The following CEP97 variants were observed in gnomAD, a reference collection of about 807,000 sequenced individuals.
CEP97 encodes centrosomal protein 97.
CEP97 carries 43 observed loss-of-function variants against 73.1 expected under a neutral mutation model. The ratio of observed to expected loss-of-function variants is 0.59; its 90% confidence interval spans 0.46 to 0.76. The LOEUF (loss-of-function observed/expected upper bound fraction) is 0.76. Ranked by LOEUF, CEP97 falls within the 30% of genes least tolerant of loss-of-function variation. The pLI is 0.00. For synonymous variants in CEP97, 337 were observed against 370.0 expected (o/e 0.91, Z 1.02); for missense variants, 939 against 1,014.0 (o/e 0.93, Z 1.00).
At chr3:101,730,417 C>T (rs1470492276) in intron 4 of CEP97, among the ~76,000 whole-genome samples, 1 of 151,938 alleles carries the variant, frequency 6.6e-6, no homozygotes, top group East Asian at 1.9e-4. Context: ...AGGTGCATGC[C>T]ACCACGCCCA....
Position 101,732,716 on chromosome 3 carries a change from G to C in CEP97, c.728+62G>C, listed in dbSNP as rs888073026. On this transcript the variant is annotated intron_variant, in intron 6 of 10. Coordinates refer to ENST00000341893, the MANE Select transcript of CEP97 (RefSeq NM_024548.4). ...AAAAGACCATTTCTAGTTTACTACA[G>C]ATTAATAGAGTATTTCTTAAAATGT... 1.0e-4 allele frequency: 139 copies of C among 1,373,704 alleles called. No individual in the cohort carries two copies. In the African/African-American group the frequency reaches 1.9e-3, roughly 19 times the overall value. The allele number at this position is 1,373,704 out of a possible 1,614,324, so 85.1% of individuals were successfully genotyped here.
intron 10 of CEP97, among the ~76,000 whole-genome samples, chr3:101,764,541 G>T (rs564830242): frequency 6.6e-6 from 1 of 152,080 alleles, no homozygotes; most frequent in African/African-American, 2.4e-5. Context: ...AACCTGGGAG[G>T]TGGAGGTTGC....
intron 4 of CEP97, among the ~76,000 whole-genome samples, chr3:101,731,192 C>CTTTTTT (rs35988030): frequency 1.6e-5 from 2 of 123,262 alleles, no homozygotes; most frequent in African/African-American, 3.1e-5. Flanking sequence ...GTTTTAATGA[C>CTTTTTT]TTTTTTTTTT....
At chr3:101,732,420 A>T (rs1938142291) in intron 5 of CEP97, 68 bp from the exon 6 acceptor site, 2 of 1,047,702 alleles carry the variant, frequency 1.9e-6, no homozygotes, top group Non-Finnish European at 2.9e-6. Context: ...AAAGATATGT[A>T]ATCAGTGGAA....
chr3:101,728,659 C>T (rs1418928524), intron 3 of CEP97, among the ~76,000 whole-genome samples, 177 bp from the exon 4 acceptor site: 1 of 152,120 alleles, frequency 6.6e-6, no homozygotes, highest in East Asian at 1.9e-4. Flanking sequence ...TGTACGTTTA[C>T]AACCTGACAA....
At chr3:101,747,139 G>A (rs1023623163) in intron 6 of CEP97, among the ~76,000 whole-genome samples, 6 of 150,380 alleles carry the variant, frequency 4.0e-5, no homozygotes, top group African/African-American at 7.3e-5. Context: ...CAGGAATCTA[G>A]AACTAGAAAT....
Position 101,732,742 on chromosome 3 carries a change from G to A in CEP97, c.728+88G>A, listed in dbSNP as rs1182124569. On this transcript the variant is annotated intron_variant, in intron 6 of 10. Coordinates refer to ENST00000341893, the MANE Select transcript of CEP97 (RefSeq NM_024548.4). ...ATTAATAGAGTATTTCTTAAAATGT[G>A]CATTTAGATAACAAGAGTATTAGTG... The A allele has an allele frequency of 3.4e-6, 4 of 1,174,886 alleles. No individual in the cohort carries two copies. In the East Asian group the frequency reaches 1.0e-4, roughly 29 times the overall value. 72.8% of individuals were successfully genotyped at this position (1,174,886 alleles called of 1,614,324 possible).
In CEP97 at chr3:101,757,854, AC is replaced by A. The variant is rs1252641740; in HGVS notation, c.1250del (p.Pro417LeufsTer5). On this transcript the variant is annotated frameshift_variant, in exon 9 of 11. Coordinates refer to ENST00000341893, the MANE Select transcript of CEP97 (RefSeq NM_024548.4). LOFTEE classifies it high-confidence loss of function. The stretch of plus-strand genomic sequence containing the variant: ...TTGCATCAGGACTGTCTCCACTATC[AC>A]CTACAGTTGAGCTGAGGCTGCAGGG... The part of the protein sequence containing the change: ...PVASGLSPLS[P>X]TVELRLQGIN... 1 of 1,614,084 alleles carries A rather than the reference AC, an allele frequency of 6.2e-7. No individual in the cohort carries two copies. Among genetic ancestry groups the A allele is most frequent in the Non-Finnish European group, 8.5e-7 (1 of 1,180,042 alleles).
At chr3:101,759,399 C>T (rs1011673941) in intron 9 of CEP97, 11 of 152,124 alleles carry the variant, frequency 7.2e-5, no homozygotes, top group African/African-American at 2.7e-4. Flanking sequence ...CGAAAGTTAC[C>T]TCATCTTTGG....
chr3:101,732,754 C>T (rs1208822727), intron 6 of CEP97, 100 bp downstream of exon 6: 9 of 1,038,270 alleles, frequency 8.7e-6, no homozygotes, highest in Non-Finnish European at 1.1e-5. Context: ...ATTTAGATAA[C>T]AAGAGTATTA....
intron 10 of CEP97, among the ~76,000 whole-genome samples, chr3:101,763,432 C>T (rs1291844854): frequency 6.6e-6 from 1 of 151,962 alleles, no homozygotes; most frequent in East Asian, 1.9e-4. Flanking sequence ...CGCATTACAG[C>T]CTTGAACTCC....
At chr3:101,741,585 A>G (rs1262646279) in intron 6 of CEP97, among the ~76,000 whole-genome samples, 1 of 152,220 alleles carries the variant, frequency 6.6e-6, no homozygotes, top group Non-Finnish European at 1.5e-5. Context: ...AAAACCCATC[A>G]AAAAGTGGGC....
rs138793922 is a variant in CEP97 at position 101,765,175 on chromosome 3, G to T, written c.2222G>T (p.Arg741Ile). The change falls in exon 11 of 11, where the codon AGA becomes ATA. Residue 741 changes from arginine (R) to isoleucine (I), a missense_variant. Arg to Ile is a moderately conservative substitution (Grantham distance 97). Transcript: ENST00000341893. Reference sequence around the variant, plus strand: ...ATGGGGAATTCCATTGACACAGTCAGATATGGCAAAGAATCAGATTTAGGG... The same window carrying T: ...ATGGGGAATTCCATTGACACAGTCATATATGGCAAAGAATCAGATTTAGGG... Reference protein sequence around the residue: ...SIMGNSIDTVRYGKESDLGDV... With the variant: ...SIMGNSIDTVIYGKESDLGDV... 2.6e-4 allele frequency: 413 copies of T among 1,614,222 alleles called. No individual in the cohort carries two copies. Among genetic ancestry groups the T allele is most frequent in the Middle Eastern group, 4.9e-4 (3 of 6,062 alleles).
intron 6 of CEP97, among the ~76,000 whole-genome samples, chr3:101,734,461 G>A (rs1356617557): frequency 6.6e-6 from 1 of 152,146 alleles, no homozygotes; most frequent in Non-Finnish European, 1.5e-5. Context: ...ACAGACAGTA[G>A]TTACTTCAGG....
intron 6 of CEP97, among the ~76,000 whole-genome samples, chr3:101,750,432 G>T (rs1454185378): frequency 2.6e-5 from 4 of 152,098 alleles, no homozygotes; most frequent in South Asian, 2.1e-4. Flanking sequence ...GTAGTGTGAT[G>T]CCTCCAGCTT....
chr3:101,753,623 C>A (rs1475915184), intron 6 of CEP97, among the ~76,000 whole-genome samples: 3 of 152,244 alleles, frequency 2.0e-5, no homozygotes, highest in Non-Finnish European at 4.4e-5. Context: ...GCCCCTCCCC[C>A]AGCCTTGCTG....
At position 101,764,961 on chromosome 3, in the gene CEP97, C is replaced by G; in HGVS notation, c.2008C>G (p.Gln670Glu). The G allele has an allele frequency of 6.2e-7, 1 of 1,614,136 alleles. No individual in the cohort carries two copies. Among genetic ancestry groups the G allele is most frequent in the Non-Finnish European group, 8.5e-7 (1 of 1,180,028 alleles). The change falls in exon 11 of 11, where the codon CAA becomes GAA. Residue 670 changes from glutamine (Q) to glutamate (E), a missense_variant. Transcript: ENST00000341893. ...LVPSKHPLFT[Q>E]SQESSCDQNA... ...GCCATCGAAACATCCATTATTTACCCAAAGCCAGGAGTCCTCTTGTGATCA... is the reference window on the plus strand; with the variant it reads ...GCCATCGAAACATCCATTATTTACCGAAAGCCAGGAGTCCTCTTGTGATCA...
chr3:101,758,063 A>G lies in CEP97; in HGVS notation c.1457A>G (p.Glu486Gly), dbSNP rs1187979794. 1.2e-6 allele frequency: 2 copies of G among 1,614,250 alleles called. No individual in the cohort carries two copies. Among genetic ancestry groups the G allele is most frequent in the East Asian group, 4.5e-5 (2 of 44,884 alleles). The change falls in exon 9 of 11, where the codon GAG becomes GGG. Residue 486 changes from glutamate (E) to glycine (G), a missense_variant. Transcript: ENST00000341893. The stretch of plus-strand genomic sequence containing the variant: ...AAAGCTGGACTATTACCTTGTCCTG[A>G]GCCAACAATAATCAGTGCTATCTTG... ...NEKAGLLPCPEPTIISAILKD... is the reference protein window; with the variant it reads ...NEKAGLLPCPGPTIISAILKD...
chr3:101,761,604 A>G (rs1939179283), intron 9 of CEP97, among the ~76,000 whole-genome samples: 1 of 152,086 alleles, frequency 6.6e-6, no homozygotes, highest in Non-Finnish European at 1.5e-5. Flanking sequence ...CAATTTTTGA[A>G]CCCTGATGTG....
Sources: allele counts gnomAD v4.1 joint callset (sites outside exome capture counted in the v4.1 genomes callset), GRCh38; gene constraint gnomAD v4.1.1; transcripts MANE v1.5; gene names NCBI Gene and HGNC (gene_info 2026-07-23, HGNC 2026-07-21).